The following SORBS2 variants were observed in gnomAD, a reference collection of about 807,000 sequenced individuals.
SORBS2 encodes sorbin and SH3 domain containing 2, also known as sorbin and SH3 domain-containing protein 2.
A neutral mutation model predicts 97.7 loss-of-function variants in SORBS2; 46 were observed. The ratio of observed to expected loss-of-function variants is 0.47; its 90% CI spans 0.37 to 0.60. SORBS2 has a LOEUF of 0.60. SORBS2 is among the 20% of genes least tolerant of loss of function. The pLI is 0.00. For missense variants in SORBS2, 1,316 were observed against 1,282.3 expected, an observed-to-expected ratio of 1.03 and a Z score of -0.40; for synonymous variants, 476 against 473.4, an observed-to-expected ratio of 1.01 and a Z score of -0.07.
At chr4:185,621,350 A>G (rs1335594653) in intron 7 of SORBS2, among the ~76,000 whole-genome samples, 1 of 152,156 alleles carries the variant, frequency 6.6e-6, no homozygotes, top group Non-Finnish European at 1.5e-5. Context: ...TGGGTGAAAC[A>G]CAATTGGAAA....
intron 2 of SORBS2, among the ~76,000 whole-genome samples, chr4:185,756,286 G>T (rs375434163): frequency 6.6e-6 from 1 of 152,164 alleles, no homozygotes; most frequent in African/African-American, 2.4e-5. Flanking sequence ...TTTATAAATC[G>T]CATGAAAAAT....
chr4:185,760,161 T>C (rs979209728), intron 2 of SORBS2, among the ~76,000 whole-genome samples: 11 of 152,222 alleles, frequency 7.2e-5, no homozygotes, highest in Non-Finnish European at 1.6e-4. Context: ...GGAACAACCA[T>C]ATGTACTATG....
chr4:185,614,419 A>G (rs78948114), intron 11 of SORBS2, among the ~76,000 whole-genome samples: 1,696 of 152,062 alleles, frequency 0.011, 37 homozygotes, highest in African/African-American at 0.039. Context: ...TTTACCTAGG[A>G]CCATTCCTAG....
At chr4:185,653,715 T>C (rs371088730) in intron 1 of SORBS2, among the ~76,000 whole-genome samples, 4 of 152,206 alleles carry the variant, frequency 2.6e-5, no homozygotes, top group African/African-American at 9.6e-5. Context: ...TGAATGAACG[T>C]AGCCTATTGG....
chr4:185,640,277 G>C (rs1276808961), intron 4 of SORBS2, among the ~76,000 whole-genome samples: 4 of 152,172 alleles, frequency 2.6e-5, no homozygotes, highest in Admixed American at 2.0e-4. Context: ...CCACGCACCT[G>C]TACAGTAGTT....
At chr4:185,866,056 T>C (rs1052100972) in intron 1 of SORBS2, among the ~76,000 whole-genome samples, 11 of 152,334 alleles carry the variant, frequency 7.2e-5, no homozygotes, top group Admixed American at 1.3e-4. Context: ...CCAGAAGGCC[T>C]AGAAAGCCTA....
chr4:185,669,919 T>G (rs1189241120), intron 4 of SORBS2, among the ~76,000 whole-genome samples: 1 of 152,144 alleles, frequency 6.6e-6, no homozygotes. Flanking sequence ...TAATTTAAGG[T>G]GAAGTAAACA....
Position 185,751,190 on chromosome 4 carries a change from A to AAAAAAAAAAAAAAAAAAAGAGAG in SORBS2, c.-198+24036_-198+24037insCTCTCTTTTTTTTTTTTTTTTTT. ...TAAATACTAAAAAAAAAAAAAAAAA[A>AAAAAAAAAAAAAAAAAAAGAGAG]AGAGAAAGAGAGAGAAATTCAGGAA... is the stretch of plus-strand genomic sequence containing the variant. On this transcript the variant is annotated intron_variant, in intron 2 of 20. Coordinates refer to the SORBS2 transcript ENST00000284776. 2.3e-5 allele frequency among the ~76,000 whole-genome samples: 2 copies of AAAAAAAAAAAAAAAAAAAGAGAG among 86,510 alleles called. 1 individual carries two copies. Among genetic ancestry groups the AAAAAAAAAAAAAAAAAAAGAGAG allele is most frequent in the South Asian group, 9.4e-4 (2 of 2,132 alleles). The allele number at this position is 86,510 out of a possible 152,430, so 56.8% of individuals were successfully genotyped here.
intron 1 of SORBS2, among the ~76,000 whole-genome samples, chr4:185,873,779 G>A (rs910909561): frequency 6.6e-6 from 1 of 151,990 alleles, no homozygotes; most frequent in Non-Finnish European, 1.5e-5. Context: ...GGCTTTTTAA[G>A]CCAAAATATG....
rs2097912699 is a variant in SORBS2 at position 185,684,005 on chromosome 4, A to ACAG, written c.-197-5184_-197-5183insCTG. Among the ~76,000 whole-genome samples, 1 of 147,704 alleles carries ACAG rather than the reference A, an allele frequency of 6.8e-6. No homozygotes were observed. The highest frequency in any genetic ancestry group is 2.1e-4 in the South Asian group (1 of 4,696). ...GCAGTCCCCAAACTGCAGCTAACCA[A>ACAG]CCAGCCAACCAACCAACCAACCCAC... On this transcript the variant is annotated intron_variant, in intron 2 of 20. Transcript: ENST00000284776. This position sits in a 1 kb window ranked among gnomAD's most constrained non-coding sequence, Gnocchi z 4.2.
chr4:185,659,475 G>A (rs551757848), upstream of SORBS2, among the ~76,000 whole-genome samples: 6 of 151,970 alleles, frequency 3.9e-5, no homozygotes, highest in South Asian at 1.0e-3. Context: ...GGAGTGCAGT[G>A]GCGCGATCTC....
intron 2 of SORBS2, among the ~76,000 whole-genome samples, chr4:185,705,194 T>C (rs894155688): frequency 6.6e-6 from 1 of 152,248 alleles, no homozygotes; most frequent in Non-Finnish European, 1.5e-5. Flanking sequence ...TGGTCGATAT[T>C]AAAGCCTCAA....
intron 9 of SORBS2, among the ~76,000 whole-genome samples, chr4:185,616,067 T>C (rs1165349384): frequency 6.6e-6 from 1 of 152,224 alleles, no homozygotes; most frequent in Non-Finnish European, 1.5e-5. Flanking sequence ...GGCGATTAAT[T>C]TGTATCTTCT....
At chr4:185,658,431 T>C (rs571952760), upstream of SORBS2, among the ~76,000 whole-genome samples, 57 of 152,198 alleles carry the variant, frequency 3.7e-4, no homozygotes, top group Non-Finnish European at 6.8e-4. Context: ...ATCATCATTA[T>C]TACCGTTCCT....
At chr4:185,943,058 C>A (rs985133704) in intron 1 of SORBS2, among the ~76,000 whole-genome samples, 2 of 152,122 alleles carry the variant, frequency 1.3e-5, no homozygotes, top group East Asian at 1.9e-4. Context: ...TGGTTTAATG[C>A]AACAATAATT....
intron 1 of SORBS2, among the ~76,000 whole-genome samples, chr4:185,879,165 T>TCCCCCCCCCC (rs1224668040): frequency 1.7e-5 from 1 of 57,178 alleles, no homozygotes; most frequent in African/African-American, 9.9e-5. Context: ...ATGCTATCCC[T>TCCCCCCCCCC]CCCCCCCCCC....
At chr4:185,718,756 T>C (rs2098486256) in intron 2 of SORBS2, among the ~76,000 whole-genome samples, 1 of 152,236 alleles carries the variant, frequency 6.6e-6, no homozygotes, top group Admixed American at 6.5e-5. Context: ...TGAGTGTCTT[T>C]AGGCATCATT....
intron 1 of SORBS2, among the ~76,000 whole-genome samples, chr4:185,817,776 C>T (rs1162074624): frequency 2.6e-5 from 4 of 152,188 alleles, no homozygotes; most frequent in Non-Finnish European, 5.9e-5. Flanking sequence ...GGGCAGCTTC[C>T]GTAAACTCTG....
intron 2 of SORBS2, among the ~76,000 whole-genome samples, chr4:185,696,849 T>C (rs1263872725): frequency 6.6e-6 from 1 of 152,240 alleles, no homozygotes; most frequent in African/African-American, 2.4e-5. Flanking sequence ...CTAAGTCATT[T>C]GTTCAACTTG....
Sources: gnomAD v4.1 joint callset for allele counts (sites outside exome capture counted in the v4.1 genomes callset) on GRCh38, gnomAD v4.1.1 for gene constraint, Gnocchi (gnomAD v3.1) non-coding constraint, MANE v1.5 for transcripts, NCBI Gene and HGNC (gene_info 2026-07-23, HGNC 2026-07-21) for gene names.